HTR4: variants seen among roughly 807,000 people sequenced by gnomAD.
The protein encoded by HTR4 is 5-hydroxytryptamine (serotonin) receptor 4, G protein-coupled.
A neutral mutation model predicts 36.8 loss-of-function variants in HTR4; 16 were observed. That is an observed-to-expected ratio of 0.43 (90% CI 0.29 to 0.66). The LOEUF (loss-of-function observed/expected upper bound fraction) is 0.66, where lower values mean the gene tolerates loss of function less well. Among genes scored for constraint, HTR4 ranks in the 30% least tolerant of loss-of-function variants. The pLI, the probability that HTR4 is intolerant of heterozygous loss-of-function variation, is 0.13. For missense variants in HTR4, 438 were observed against 490.9 expected (o/e 0.89, Z 1.02); for synonymous variants, 189 against 185.1 (o/e 1.02, Z -0.17).
At chr5:148,494,677 G>A (rs535320920) in intron 6 of HTR4, among the ~76,000 whole-genome samples, 2 of 152,232 alleles carry the variant, frequency 1.3e-5, no homozygotes, top group Admixed American at 6.5e-5. Context: ...TCCTTCCAGA[G>A]AGAAGGCACA....
Position 148,455,099 on chromosome 5 carries a change from C to G in HTR4, c.1077-3827G>C, listed in dbSNP as rs116612619. ...AGGTACCATTTTTGGAAGTTACATA[C>G]CTTATTTCATGTATACAATTTACTT... On this transcript the variant is annotated intron_variant, in intron 5 of 5. Coordinates refer to the HTR4 transcript ENST00000521530. Among the ~76,000 whole-genome samples the G allele has an allele frequency of 9.0e-3, 1,366 of 152,238 alleles. 21 individuals are homozygous for G. The highest frequency in any genetic ancestry group is 0.031 in the African/African-American group (1,303 of 41,528).
At chr5:148,465,841 C>T (rs1581340946) in intron 5 of HTR4, 1 of 1,606,846 alleles carries the variant, frequency 6.2e-7, no homozygotes, top group Non-Finnish European at 8.5e-7. Flanking sequence ...CAGACAGTGA[C>T]AGACTTACAG....
chr5:148,465,897 G>A, intron 5 of HTR4: 1 of 1,613,638 alleles, frequency 6.2e-7, no homozygotes, highest in Non-Finnish European at 8.5e-7. Context: ...CAGAAGAGCA[G>A]GAGGAAGCTG....
intron 2 of HTR4, among the ~76,000 whole-genome samples, chr5:148,597,331 A>C (rs1761816159): frequency 6.6e-6 from 1 of 152,174 alleles, no homozygotes; most frequent in African/African-American, 2.4e-5. Context: ...CTAAATTCAC[A>C]TCTACTACAG....
intron 4 of HTR4, among the ~76,000 whole-genome samples, chr5:148,534,175 G>T (rs1758704280): frequency 6.6e-6 from 1 of 152,120 alleles, no homozygotes; most frequent in African/African-American, 2.4e-5. Flanking sequence ...TGTATAGCTT[G>T]GCAAAACCTT....
At chr5:148,457,924 AAAAT>A (rs1755148181) in intron 5 of HTR4, among the ~76,000 whole-genome samples, 1 of 130,636 alleles carries the variant, frequency 7.7e-6, no homozygotes, top group Admixed American at 7.8e-5. Flanking sequence ...ATATATCATT[AAAAT>A]ATATTATATT....
At chr5:148,519,525 G>C (rs1401443887) in intron 5 of HTR4, among the ~76,000 whole-genome samples, 2 of 152,086 alleles carry the variant, frequency 1.3e-5, no homozygotes, top group Non-Finnish European at 1.5e-5. Flanking sequence ...TATATGTGTG[G>C]GTATATAGCT....
chr5:148,572,154 T>C (rs908276570), intron 2 of HTR4, among the ~76,000 whole-genome samples: 1 of 152,138 alleles, frequency 6.6e-6, no homozygotes, highest in Non-Finnish European at 1.5e-5. Flanking sequence ...CTGTGGCAGC[T>C]TTCCAAGATT....
intron 4 of HTR4, among the ~76,000 whole-genome samples, chr5:148,543,135 G>C (rs1759202898): frequency 6.6e-6 from 1 of 152,136 alleles, no homozygotes; most frequent in Non-Finnish European, 1.5e-5. Flanking sequence ...AAGATTTGTT[G>C]ACTGTGACTA....
chr5:148,505,526 A>C (rs1249178308), intron 6 of HTR4, among the ~76,000 whole-genome samples: 1 of 152,192 alleles, frequency 6.6e-6, no homozygotes, highest in Non-Finnish European at 1.5e-5. Context: ...TGGCCAGGGC[A>C]ATCAGGCAGG....
chr5:148,490,666 C>T (rs904851438), intron 6 of HTR4: 5 of 1,170,468 alleles, frequency 4.3e-6, no homozygotes, highest in Admixed American at 4.2e-5. Context: ...GGTCAATCAA[C>T]ACTTTTAATT....
At chr5:148,609,870 A>G (rs1285567880) in intron 2 of HTR4, among the ~76,000 whole-genome samples, 1 of 152,148 alleles carries the variant, frequency 6.6e-6, no homozygotes, top group Admixed American at 6.5e-5. Context: ...CCGGCCCATG[A>G]GCCACTGTGC....
intron 5 of HTR4, 130 bp downstream of exon 5, chr5:148,523,063 A>G: frequency 3.9e-6 from 2 of 519,104 alleles, no homozygotes; most frequent in South Asian, 3.7e-5. Context: ...TGTTAGCTTT[A>G]AAAAAAAAAA....
intron 5 of HTR4, among the ~76,000 whole-genome samples, chr5:148,453,286 C>CT (rs1399897137): frequency 9.2e-5 from 14 of 152,162 alleles, no homozygotes; most frequent in Admixed American, 2.0e-4. Context: ...AGTAGGGTCC[C>CT]TATTCTAAGT....
At chr5:148,567,967 A>T (rs1034819974) in intron 2 of HTR4, among the ~76,000 whole-genome samples, 1 of 152,180 alleles carries the variant, frequency 6.6e-6, no homozygotes, top group Non-Finnish European at 1.5e-5. Context: ...TAGGTACTTA[A>T]CAGATACAAG....
chr5:148,589,978 C>T (rs1462757815), intron 2 of HTR4, among the ~76,000 whole-genome samples: 1 of 151,944 alleles, frequency 6.6e-6, no homozygotes, highest in Non-Finnish European at 1.5e-5. Flanking sequence ...AACTTTGTAC[C>T]CTTTGCCCAA....
At chr5:148,639,403 C>T (rs954137884) in intron 1 of HTR4, among the ~76,000 whole-genome samples, 1 of 151,972 alleles carries the variant, frequency 6.6e-6, no homozygotes, top group African/African-American at 2.4e-5. Flanking sequence ...TTGCTGCTTT[C>T]CTGGGCCGTA....
intron 5 of HTR4, among the ~76,000 whole-genome samples, chr5:148,521,680 G>T (rs1758027555): frequency 6.6e-6 from 1 of 151,816 alleles, no homozygotes; most frequent in Admixed American, 6.6e-5. Context: ...ATGTTTATCT[G>T]GAGAACCAAT....
chr5:148,614,142 A>C (rs1328187875), intron 2 of HTR4, among the ~76,000 whole-genome samples: 1 of 152,322 alleles, frequency 6.6e-6, no homozygotes, highest in Non-Finnish European at 1.5e-5. Context: ...ATCCCCATCA[A>C]GCTACCAATG....
Sources: gnomAD v4.1 joint callset for allele counts (sites outside exome capture counted in the v4.1 genomes callset) on GRCh38, gnomAD v4.1.1 for gene constraint, MANE v1.5 for transcripts, NCBI Gene and HGNC (gene_info 2026-07-23, HGNC 2026-07-21) for gene names.